Variants in IL1RAPL1 observed in about 807,000 individuals in gnomAD.
The protein encoded by IL1RAPL1 is interleukin-1 receptor accessory protein-like 1.
In IL1RAPL1, 3 loss-of-function variants were observed where a neutral mutation model predicts 48.4. That is an observed-to-expected ratio of 0.06 (90% CI 0.03 to 0.16). The LOEUF (loss-of-function observed/expected upper bound fraction) is 0.16. IL1RAPL1 is among the 10% of genes least tolerant of loss of function. The probability of loss-of-function intolerance (pLI) is 1.00; values close to 1 mark genes in which losing one functional copy is unlikely to be tolerated. For synonymous variants in IL1RAPL1, 185 were observed against 187.7 expected, an observed-to-expected ratio of 0.99 and a Z score of 0.12; for missense variants, 349 against 530.6, an observed-to-expected ratio of 0.66 and a Z score of 3.36.
chrX:28,636,100 C>T (rs1333714312), intron 1 of IL1RAPL1, among the ~76,000 whole-genome samples: 9 of 112,024 alleles, frequency 8.0e-5, no homozygotes, highest in African/African-American at 2.9e-4. Flanking sequence ...CCACAAAGCA[C>T]TGTTGACCAA....
chrX:28,939,930 A>C lies in IL1RAPL1; in HGVS notation c.82+150505A>C, dbSNP rs182995916. 1.5e-4 allele frequency among the ~76,000 whole-genome samples: 17 copies of C among 111,237 alleles called. 1 individual carries two copies. The East Asian group carries it at 4.8e-3, about 32-fold the overall frequency. On this transcript the variant is annotated intron_variant, in intron 2 of 10. Transcript: ENST00000378993. The stretch of plus-strand genomic sequence containing the variant: ...TATTAAATAGGAATATGGTATGCAA[A>C]AATTTGCTGATTAATCAGCCCATCA...
intron 3 of IL1RAPL1, among the ~76,000 whole-genome samples, chrX:29,387,681 A>C (rs1933796748): frequency 8.9e-6 from 1 of 112,080 alleles, no homozygotes; most frequent in Non-Finnish European, 1.9e-5. Context: ...TGTTTGCCGT[A>C]TATGCTATCA....
intron 2 of IL1RAPL1, among the ~76,000 whole-genome samples, chrX:29,038,679 A>C (rs766983115): frequency 8.9e-6 from 1 of 112,065 alleles, no homozygotes; most frequent in South Asian, 3.7e-4. Flanking sequence ...TAATTTAGCT[A>C]ATGTCATCAA....
chrX:29,780,079 T>A (rs186300700), intron 6 of IL1RAPL1, among the ~76,000 whole-genome samples: 2,213 of 109,929 alleles, frequency 0.02, 53 homozygotes, highest in African/African-American at 0.07. Context: ...TTTTTTAATT[T>A]AAAAAAAATC....
At chrX:28,818,442 G>A (rs1936894250) in intron 2 of IL1RAPL1, among the ~76,000 whole-genome samples, 1 of 110,806 alleles carries the variant, frequency 9.0e-6, no homozygotes, top group Admixed American at 9.7e-5. Flanking sequence ...AAAACTGGCA[G>A]TAAAGATGGG....
intron 2 of IL1RAPL1, among the ~76,000 whole-genome samples, chrX:28,938,777 A>C (rs2147347680): frequency 9.0e-6 from 1 of 111,404 alleles, no homozygotes; most frequent in African/African-American, 3.3e-5. Flanking sequence ...CAAACTATAT[A>C]TCTGACAAAG....
intron 3 of IL1RAPL1, among the ~76,000 whole-genome samples, chrX:29,363,371 G>A (rs1156573412): frequency 9.0e-6 from 1 of 111,378 alleles, no homozygotes; most frequent in East Asian, 2.8e-4. Context: ...CTATTTTTAA[G>A]TACTATCATC....
intron 5 of IL1RAPL1, among the ~76,000 whole-genome samples, chrX:29,503,060 A>C (rs187860776): frequency 2.2e-4 from 24 of 111,617 alleles, no homozygotes; most frequent in African/African-American, 5.2e-4. Context: ...CATTTCTTCT[A>C]AGTTTTCCAA....
At chrX:29,808,401 G>A (rs1437120022) in intron 6 of IL1RAPL1, among the ~76,000 whole-genome samples, 1 of 111,481 alleles carries the variant, frequency 9.0e-6, no homozygotes, top group Non-Finnish European at 1.9e-5. Flanking sequence ...TTGTATTAAA[G>A]TAAATGTTTC....
chrX:28,895,970 C>T (rs948427708), intron 2 of IL1RAPL1, among the ~76,000 whole-genome samples: 2 of 112,102 alleles, frequency 1.8e-5, no homozygotes, highest in African/African-American at 6.5e-5. Flanking sequence ...TCAGTGGGGT[C>T]CCACACAGAT....
At chrX:29,437,088 T>C (rs1934489924) in intron 5 of IL1RAPL1, among the ~76,000 whole-genome samples, 1 of 111,054 alleles carries the variant, frequency 9.0e-6, no homozygotes, top group African/African-American at 3.2e-5. Context: ...AATAAGAAAA[T>C]TATTTAATTT....
chrX:29,816,817 A>G lies in IL1RAPL1; in HGVS notation c.779-100647A>G, dbSNP rs956217714. On this transcript the variant is annotated intron_variant, in intron 6 of 10. Coordinates refer to ENST00000378993, the MANE Select transcript of IL1RAPL1 (RefSeq NM_014271.4). ...GCTTCTATTTCATCATTCCTGTTGC[A>G]TCTAACACTGAGCAAGTATCTTAGG... 3.6e-5 allele frequency among the ~76,000 whole-genome samples: 4 copies of G among 110,366 alleles called. No homozygotes were observed. The Admixed American group carries it at 3.9e-4, about 11-fold the overall frequency.
intron 3 of IL1RAPL1, among the ~76,000 whole-genome samples, chrX:29,305,406 T>A (rs1180636938): frequency 8.9e-6 from 1 of 112,086 alleles, no homozygotes; most frequent in African/African-American, 3.2e-5. Flanking sequence ...TGATGGGTTA[T>A]CCTTATATAT....
chrX:28,616,469 T>A (rs941643923), intron 1 of IL1RAPL1, among the ~76,000 whole-genome samples: 3 of 110,155 alleles, frequency 2.7e-5, no homozygotes, highest in African/African-American at 9.9e-5. Flanking sequence ...GTTTCACTCT[T>A]GTCACCCGGG....
At chrX:29,266,673 C>T (rs1931961191) in intron 2 of IL1RAPL1, among the ~76,000 whole-genome samples, 1 of 111,643 alleles carries the variant, frequency 9.0e-6, no homozygotes, top group Middle Eastern at 4.6e-3. Flanking sequence ...GTTCTAGGGA[C>T]TTGCTTTGAC....
intron 2 of IL1RAPL1, among the ~76,000 whole-genome samples, chrX:29,069,381 G>A (rs1194712756): frequency 9.0e-6 from 1 of 111,507 alleles, no homozygotes; most frequent in Admixed American, 9.6e-5. Flanking sequence ...CGAATGTGGA[G>A]GTTGTCATAA....
chrX:29,837,167 G>A (rs1227817096), intron 6 of IL1RAPL1, among the ~76,000 whole-genome samples: 3 of 104,464 alleles, frequency 2.9e-5, no homozygotes, highest in Admixed American at 2.1e-4. Context: ...GGAGGCTGAG[G>A]TGGAAGAATC....
At chrX:29,484,870 T>C (rs1049669925) in intron 5 of IL1RAPL1, among the ~76,000 whole-genome samples, 1 of 111,456 alleles carries the variant, frequency 9.0e-6, no homozygotes, top group Non-Finnish European at 1.9e-5. Flanking sequence ...GAGTAAACAA[T>C]GGGGGAAGGA....
intron 6 of IL1RAPL1, among the ~76,000 whole-genome samples, chrX:29,894,442 TTAAG>T (rs1159583970): frequency 9.8e-5 from 11 of 112,288 alleles, no homozygotes; most frequent in Non-Finnish European, 1.7e-4. Context: ...TTTTAATTTC[TTAAG>T]TAAAATAGCT....
Sources: gnomAD v4.1 joint callset for allele counts (sites outside exome capture counted in the v4.1 genomes callset) on GRCh38, gnomAD v4.1.1 for gene constraint, MANE v1.5 for transcripts, NCBI Gene and HGNC (gene_info 2026-07-23, HGNC 2026-07-21) for gene names.